The following SCRG1 variants were observed in gnomAD, a reference collection of about 807,000 sequenced individuals.
The protein encoded by SCRG1 is scrapie-responsive protein 1.
SCRG1 carries 3 observed loss-of-function variants against 7.7 expected under a neutral mutation model. That is an observed-to-expected ratio of 0.39 (90% CI 0.18 to 1.01). The LOEUF (loss-of-function observed/expected upper bound fraction) is 1.01, where lower values mean the gene tolerates loss of function less well. Ranked by LOEUF, SCRG1 falls within the 50% of genes least tolerant of loss-of-function variation. SCRG1 has a pLI of 0.36. For synonymous variants in SCRG1, 46 were observed against 41.2 expected, an observed-to-expected ratio of 1.12 and a Z score of -0.44; for missense variants, 110 against 117.2, an observed-to-expected ratio of 0.94 and a Z score of 0.28.
the SCRG1 span, among the ~76,000 whole-genome samples, chr4:173,473,905 C>A: frequency 6.6e-6 from 1 of 152,162 alleles, no homozygotes; most frequent in Non-Finnish European, 1.5e-5. Context: ...CTGGGCCGGA[C>A]ATGGTGGCTC....
At chr4:173,407,196 G>A (rs1174932357), upstream of SCRG1, among the ~76,000 whole-genome samples, 11 of 145,850 alleles carry the variant, frequency 7.5e-5, no homozygotes, top group South Asian at 2.2e-4. Context: ...GCGACAGAGC[G>A]AGATCCATCT....
chr4:173,516,047 T>G, the SCRG1 span, among the ~76,000 whole-genome samples: 1 of 152,046 alleles, frequency 6.6e-6, no homozygotes, highest in Non-Finnish European at 1.5e-5. Flanking sequence ...GGGCCAATGC[T>G]CTTCATCTTC....
At chr4:173,476,363 A>AAAAAAAAATATATATATATATATATAT in the SCRG1 span, among the ~76,000 whole-genome samples, 141 of 98,444 alleles carry the variant, frequency 1.4e-3, 1 homozygote, top group Non-Finnish European at 2.2e-3. Flanking sequence ...GGAAAAAAAA[A>AAAAAAAAATATATATATATATATATAT]ATATATATAT....
At chr4:173,503,676 T>A in the SCRG1 span, among the ~76,000 whole-genome samples, 2 of 152,204 alleles carry the variant, frequency 1.3e-5, no homozygotes, top group Non-Finnish European at 2.9e-5. This position sits in a 1 kb window ranked among gnomAD's most constrained non-coding sequence, Gnocchi z 6.4. Flanking sequence ...GAAGTCAACA[T>A]GCTGGAGACC....
chr4:173,484,404 ATATACATATAATATATAT>A, the SCRG1 span, among the ~76,000 whole-genome samples: 5 of 76,558 alleles, frequency 6.5e-5, no homozygotes, highest in Admixed American at 2.4e-4. Flanking sequence ...ATTATATATT[ATATACATATAATATATAT>A]TATATATTAT....
At chr4:173,407,616 C>T (rs1739943077), upstream of SCRG1, among the ~76,000 whole-genome samples, 1 of 152,192 alleles carries the variant, frequency 6.6e-6, no homozygotes, top group Non-Finnish European at 1.5e-5. Context: ...ATCTTTTTAA[C>T]ATTTATTTTT....
the SCRG1 span, among the ~76,000 whole-genome samples, chr4:173,451,262 AATGCT>A: frequency 6.7e-6 from 1 of 149,556 alleles, no homozygotes; most frequent in East Asian, 1.9e-4. Context: ...TAGTATGAGG[AATGCT>A]TTGTTATTCC....
the SCRG1 span, among the ~76,000 whole-genome samples, chr4:173,451,634 T>TTTTA: frequency 0.11 from 2,365 of 21,086 alleles, 61 homozygotes; most frequent in African/African-American, 0.15. Context: ...TACTTACTTA[T>TTTTA]TTTATTTATT....
chr4:173,518,459 G>A, the SCRG1 span, among the ~76,000 whole-genome samples: 4 of 152,180 alleles, frequency 2.6e-5, no homozygotes, highest in East Asian at 7.7e-4. Context: ...ACACTGTTCA[G>A]GAATGCGAAA....
chr4:173,416,911 A>AAC, the SCRG1 span, among the ~76,000 whole-genome samples: 599 of 125,230 alleles, frequency 4.8e-3, 11 homozygotes, highest in African/African-American at 0.011. Context: ...CACACACCCA[A>AAC]ACACACACAC....
At chr4:173,457,967 A>T in the SCRG1 span, among the ~76,000 whole-genome samples, 2 of 152,178 alleles carry the variant, frequency 1.3e-5, no homozygotes, top group Non-Finnish European at 2.9e-5. Flanking sequence ...CAACTACAGG[A>T]AGAACTGTGG....
the SCRG1 span, among the ~76,000 whole-genome samples, chr4:173,483,455 T>TATATATTATATATTATATCATGATATATA: frequency 1.7e-4 from 1 of 5,984 alleles, no homozygotes; most frequent in Non-Finnish European, 4.8e-4. Context: ...TATATCATGA[T>TATATATTATATATTATATCATGATATATA]ATATATTATA....
the SCRG1 span, among the ~76,000 whole-genome samples, chr4:173,445,885 C>T: frequency 6.6e-6 from 1 of 151,804 alleles, no homozygotes; most frequent in East Asian, 2.0e-4. Flanking sequence ...AGGCTGGTCT[C>T]GAACTCCTGA....
chr4:173,443,943 T>TTTTTTG, the SCRG1 span, among the ~76,000 whole-genome samples: 1 of 138,696 alleles, frequency 7.2e-6, no homozygotes, highest in African/African-American at 2.7e-5. Context: ...AGAGCTTGTT[T>TTTTTTG]TGTGTGTGTG....
the SCRG1 span, among the ~76,000 whole-genome samples, chr4:173,432,269 CCCTT>C: frequency 7.1e-6 from 1 of 141,758 alleles, no homozygotes; most frequent in African/African-American, 2.6e-5. Context: ...CTTCCTTATT[CCCTT>C]TCTTTCTTCC....
intron 1 of SCRG1, among the ~76,000 whole-genome samples, chr4:173,395,991 T>TA (rs146176198): frequency 2.0e-5 from 3 of 152,270 alleles, no homozygotes; most frequent in Non-Finnish European, 2.9e-5. Flanking sequence ...TATGCCTTTT[T>TA]AAAAAAATCC....
chr4:173,463,120 G>A, the SCRG1 span, among the ~76,000 whole-genome samples: 1 of 152,172 alleles, frequency 6.6e-6, no homozygotes, highest in Admixed American at 6.5e-5. Flanking sequence ...GACATTGAAT[G>A]TAAATGGACT....
chr4:173,460,358 C>T, the SCRG1 span, among the ~76,000 whole-genome samples: 1 of 152,192 alleles, frequency 6.6e-6, no homozygotes, highest in Non-Finnish European at 1.5e-5. Flanking sequence ...GCTGGCATCA[C>T]CCCTCCTCTA....
chr4:173,434,247 A>T, the SCRG1 span, among the ~76,000 whole-genome samples: 1 of 152,230 alleles, frequency 6.6e-6, no homozygotes, highest in African/African-American at 2.4e-5. Context: ...TTCATTTCAA[A>T]AATTTTACAA....
Sources: gnomAD v4.1 joint callset for allele counts (sites outside exome capture counted in the v4.1 genomes callset) on GRCh38, gnomAD v4.1.1 for gene constraint, Gnocchi (gnomAD v3.1) non-coding constraint, MANE v1.5 for transcripts, NCBI Gene and HGNC (gene_info 2026-07-23, HGNC 2026-07-21) for gene names.